Variants in PRKG1 observed in about 807,000 individuals in gnomAD.
The protein encoded by PRKG1 is protein kinase cGMP-dependent 1.
Under a neutral mutation model 88.1 loss-of-function variants are expected in PRKG1, and 35 were observed. The observed-to-expected ratio is 0.40, with a 90% CI of 0.30 to 0.53. The LOEUF (loss-of-function observed/expected upper bound fraction) is 0.53, where lower values mean the gene tolerates loss of function less well. Among genes scored for constraint, PRKG1 ranks in the 20% least tolerant of loss-of-function variants. PRKG1 has a pLI of 0.59. For synonymous variants in PRKG1, 303 were observed against 292.5 expected (o/e 1.04, Z -0.37); for missense variants, 540 against 839.8 (o/e 0.64, Z 4.41).
At chr10:51,174,957 G>A (rs9415770) in intron 2 of PRKG1, among the ~76,000 whole-genome samples, 2,256 of 151,934 alleles carry the variant, frequency 0.015, 72 homozygotes, top group African/African-American at 0.051. Context: ...TGTTATACAC[G>A]TGCAACCTTT....
At chr10:52,118,427 G>T (rs191563515) in intron 7 of PRKG1, among the ~76,000 whole-genome samples, 1 of 151,676 alleles carries the variant, frequency 6.6e-6, no homozygotes, top group Non-Finnish European at 1.5e-5. Context: ...AAATATTTAG[G>T]ACAATTTCAA....
intron 2 of PRKG1, among the ~76,000 whole-genome samples, chr10:51,462,085 T>C (rs184938193): frequency 6.6e-6 from 1 of 152,296 alleles, no homozygotes; most frequent in Non-Finnish European, 1.5e-5. Context: ...GAAGCCATTA[T>C]GAAAGAATAT....
intron 3 of PRKG1, among the ~76,000 whole-genome samples, chr10:51,498,001 A>T (rs1840910526): frequency 6.6e-6 from 1 of 152,070 alleles, no homozygotes; most frequent in South Asian, 2.1e-4. Flanking sequence ...CTCAAGTCTG[A>T]TTCTGTTCAG....
chr10:51,932,867 G>A (rs1031104521), intron 5 of PRKG1, among the ~76,000 whole-genome samples: 7 of 152,114 alleles, frequency 4.6e-5, no homozygotes, highest in East Asian at 1.9e-4. Context: ...GAGGTGAAGC[G>A]GGGGTTATCT....
At chr10:51,493,669 T>C (rs1420567436) in intron 3 of PRKG1, among the ~76,000 whole-genome samples, 1 of 152,160 alleles carries the variant, frequency 6.6e-6, no homozygotes, top group African/African-American at 2.4e-5. Flanking sequence ...AAAATTGAAA[T>C]TGTTTGTCAG....
At chr10:52,056,568 C>T (rs1846115026) in intron 6 of PRKG1, among the ~76,000 whole-genome samples, 2 of 152,022 alleles carry the variant, frequency 1.3e-5, no homozygotes, top group Admixed American at 6.6e-5. Flanking sequence ...GGAACCAATT[C>T]CCTTGGCAAT....
chr10:51,300,742 T>G (rs966297613), intron 2 of PRKG1, among the ~76,000 whole-genome samples: 4 of 152,212 alleles, frequency 2.6e-5, no homozygotes, highest in Admixed American at 2.6e-4. Context: ...ACACTGAACC[T>G]CTGTGTTATC....
chr10:52,215,979 T>C (rs1276708047), intron 9 of PRKG1, among the ~76,000 whole-genome samples: 2 of 152,130 alleles, frequency 1.3e-5, no homozygotes, highest in Non-Finnish European at 2.9e-5. Context: ...CCTCATAGAA[T>C]TGTTCAAGAA....
At chr10:51,801,898 T>C (rs889657133) in intron 3 of PRKG1, among the ~76,000 whole-genome samples, 1 of 152,296 alleles carries the variant, frequency 6.6e-6, no homozygotes, top group Middle Eastern at 3.4e-3. Context: ...GAATTTTAGA[T>C]ACATACTTGA....
intron 1 of PRKG1, among the ~76,000 whole-genome samples, chr10:50,995,579 T>C (rs1842829160): frequency 6.6e-6 from 1 of 152,182 alleles, no homozygotes; most frequent in South Asian, 2.1e-4. Context: ...TCCAAGTGTT[T>C]TACATAGATC....
intron 7 of PRKG1, among the ~76,000 whole-genome samples, chr10:52,079,876 G>C (rs1027097116): frequency 6.6e-6 from 1 of 152,132 alleles, no homozygotes; most frequent in South Asian, 2.1e-4. Flanking sequence ...TGGTATGGGG[G>C]CCTCCATTTA....
At chr10:51,343,190 C>CTA (rs1287834265) in intron 2 of PRKG1, among the ~76,000 whole-genome samples, 11 of 152,200 alleles carry the variant, frequency 7.2e-5, no homozygotes, top group African/African-American at 2.7e-4. Flanking sequence ...CTCATGTTGT[C>CTA]TATACTCTTT....
At chr10:51,778,404 C>G (rs902433779) in intron 3 of PRKG1, among the ~76,000 whole-genome samples, 1 of 152,130 alleles carries the variant, frequency 6.6e-6, no homozygotes, top group African/African-American at 2.4e-5. Context: ...TGACCAGCAG[C>G]AGAAAGCTGT....
At chr10:51,377,305 T>C (rs1009270131) in intron 2 of PRKG1, among the ~76,000 whole-genome samples, 10 of 152,324 alleles carry the variant, frequency 6.6e-5, no homozygotes, top group Non-Finnish European at 1.3e-4. Context: ...AGCTTTGTTA[T>C]CTGTAAAATA....
intron 2 of PRKG1, among the ~76,000 whole-genome samples, chr10:51,169,013 G>A (rs964278082): frequency 1.3e-5 from 2 of 152,048 alleles, no homozygotes; most frequent in South Asian, 2.1e-4. Flanking sequence ...AGTTAGCGTC[G>A]CAGAACATTG....
At chr10:51,971,031 A>G (rs1297887938) in intron 5 of PRKG1, among the ~76,000 whole-genome samples, 1 of 151,784 alleles carries the variant, frequency 6.6e-6, no homozygotes, top group African/African-American at 2.4e-5. Context: ...GGAATAAGCT[A>G]ATGCTACATG....
At chr10:51,140,338 C>T (rs560618433) in intron 1 of PRKG1, among the ~76,000 whole-genome samples, 1 of 152,096 alleles carries the variant, frequency 6.6e-6, no homozygotes, top group Admixed American at 6.6e-5. Flanking sequence ...TTCACTTACC[C>T]CCTTACCCCT....
intron 1 of PRKG1, among the ~76,000 whole-genome samples, chr10:51,050,666 CTA>C (rs1353435311): frequency 6.6e-6 from 1 of 152,122 alleles, no homozygotes; most frequent in African/African-American, 2.4e-5. Flanking sequence ...GTTCCTCTGG[CTA>C]TATACCCAGA....
chr10:52,020,934 G>T (rs1438829382), intron 5 of PRKG1, among the ~76,000 whole-genome samples: 2 of 152,036 alleles, frequency 1.3e-5, no homozygotes, highest in East Asian at 1.9e-4. Context: ...CCAGGAAATG[G>T]CCTCTCCCTG....
Sources: allele counts gnomAD v4.1 joint callset (sites outside exome capture counted in the v4.1 genomes callset), GRCh38; gene constraint gnomAD v4.1.1; transcripts MANE v1.5; gene names NCBI Gene and HGNC (gene_info 2026-07-23, HGNC 2026-07-21).